The following XRCC1 variants were observed in gnomAD, a reference collection of about 807,000 sequenced individuals.
The protein encoded by XRCC1 is X-ray repair cross complementing 1.
XRCC1 carries 52 observed loss-of-function variants against 83.3 expected under a neutral mutation model. The ratio of observed to expected loss-of-function variants is 0.62; its 90% confidence interval spans 0.50 to 0.79. The LOEUF (loss-of-function observed/expected upper bound fraction) is 0.79, where lower values mean the gene tolerates loss of function less well. Among genes scored for constraint, XRCC1 ranks in the 30% least tolerant of loss-of-function variants. The probability of loss-of-function intolerance (pLI) is 0.00; values close to 1 mark genes in which losing one functional copy is unlikely to be tolerated. For synonymous variants in XRCC1, 281 were observed against 312.6 expected (o/e 0.90, Z 1.07); for missense variants, 793 against 823.5 (o/e 0.96, Z 0.45).
chr19:43,556,042 C>T (rs1972632665), intron 3 of XRCC1, among the ~76,000 whole-genome samples: 1 of 152,112 alleles, frequency 6.6e-6, no homozygotes, highest in South Asian at 2.1e-4. Flanking sequence ...ATGCACGACA[C>T]CACACCTGGC....
At chr19:43,566,185 G>A (rs3213293) in intron 2 of XRCC1, among the ~76,000 whole-genome samples, 4,427 of 150,842 alleles carry the variant, frequency 0.029, 101 homozygotes, top group African/African-American at 0.062. Flanking sequence ...GCAGCGAACC[G>A]AAATCATGCC....
chr19:43,547,809 C>T (rs1972528371), intron 10 of XRCC1, among the ~76,000 whole-genome samples: 1 of 152,160 alleles, frequency 6.6e-6, no homozygotes, highest in Non-Finnish European at 1.5e-5. Context: ...ATTCCCCTCC[C>T]TCTTGGGGAA....
rs146046570 is a variant in XRCC1, at chr19:43,567,680, G to A, written c.145-6660C>T. 4.8e-3 allele frequency among the ~76,000 whole-genome samples: 729 copies of A among 152,178 alleles called. 7 individuals carry two copies. Among genetic ancestry groups the A allele is most frequent in the African/African-American group, 0.016 (666 of 41,534 alleles). On this transcript the variant is annotated intron_variant, in intron 2 of 16. Transcript: ENST00000262887. ...ATTTTTCTCAAAATAAGAGATGAGT[G>A]CTCAGTATGTATCAGCTGTGAGGAT...
intron 2 of XRCC1, among the ~76,000 whole-genome samples, chr19:43,564,563 C>T (rs566106660): frequency 6.6e-6 from 1 of 152,076 alleles, no homozygotes; most frequent in South Asian, 2.1e-4. Context: ...CTGAGGCAGG[C>T]GGATCACCTG....
At position 43,546,619 on chromosome 19, in the gene XRCC1, T is replaced by C. The variant is rs1332292050; in HGVS notation, c.1402A>G (p.Ile468Val). The change falls in exon 12 of 17, where the codon ATA (isoleucine) becomes GTA (valine). Residue 468 changes from isoleucine to valine, a missense_variant. By Grantham distance (29) the Ile-to-Val change is conservative. Coordinates refer to ENST00000262887, the MANE Select transcript of XRCC1 (RefSeq NM_006297.3). ...CCTGACTGTACCCCCTCAATGTCTA[T>C]ATCTTCCTGGAGCACTGGTGAGGCT... is the stretch of plus-strand genomic sequence containing the variant. ...KAASPVLQED[I>V]DIEGVQSEGQ... 4 of 1,611,346 alleles carry C rather than the reference T, an allele frequency of 2.5e-6. No individual in the cohort carries two copies. Among genetic ancestry groups the C allele is most frequent in the Non-Finnish European group, 3.4e-6 (4 of 1,179,284 alleles).
At chr19:43,555,955 T>A (rs576140579) in intron 3 of XRCC1, among the ~76,000 whole-genome samples, 7 of 152,178 alleles carry the variant, frequency 4.6e-5, no homozygotes, top group Non-Finnish European at 8.8e-5. Flanking sequence ...AGTGGTGCGA[T>A]CATAGCTCAC....
At chr19:43,561,101 G>A in intron 2 of XRCC1, 81 bp from the exon 3 acceptor site, 5 of 1,092,666 alleles carry the variant, frequency 4.6e-6, no homozygotes, top group Non-Finnish European at 2.8e-6. Flanking sequence ...AATCTCCTTT[G>A]GATCACCATG....
At position 43,543,466 on chromosome 19, in the gene XRCC1, G is replaced by C. The variant is rs1166652798; in HGVS notation, c.1828C>G (p.Arg610Gly). ...TTCTCATTGCAACTGTAGATCCATC[G>C]GGGACGAACGAATGCCAGGGAGGGG... Reference protein sequence around the residue: ...DNPSLAFVRPRWIYSCNEKQK... With the variant: ...DNPSLAFVRPGWIYSCNEKQK... The change falls in exon 17 of 17, where the codon CGA becomes GGA. Residue 610 changes from arginine (R) to glycine (G), a missense_variant. Coordinates refer to ENST00000262887, the MANE Select transcript of XRCC1 (RefSeq NM_006297.3). 6.2e-6 allele frequency: 10 copies of C among 1,613,528 alleles called. No homozygotes were observed. Among genetic ancestry groups the C allele is most frequent in the Non-Finnish European group, 5.9e-6 (7 of 1,179,948 alleles).
rs1324474599 is a variant in XRCC1 at position 43,546,981 on chromosome 19, G to A, written c.1200-4C>T. 6.2e-7 allele frequency: 1 copy of A among 1,613,572 alleles called. No homozygotes were observed. Among genetic ancestry groups the A allele is most frequent in the East Asian group, 2.2e-5 (1 of 44,862 alleles). ...ACCTGGCCCTGCCATGAGGTACCTA[G>A]GGGACAAATCGGGCCTCAGACAAAC... On this transcript the variant is annotated splice_polypyrimidine_tract_variant and splice_region_variant and intron_variant, in intron 10 of 16. Coordinates refer to ENST00000262887, the MANE Select transcript of XRCC1 (RefSeq NM_006297.3).
At chr19:43,553,946 T>C (rs762507) in intron 4 of XRCC1, among the ~76,000 whole-genome samples, 95,352 of 152,052 alleles carry the variant, frequency 0.63, 30,336 homozygotes, top group East Asian at 0.89. Context: ...CCCAGCGAAT[T>C]CACTGCCCTA....
intron 6 of XRCC1, 117 bp downstream of exon 6, chr19:43,553,284 A>G (rs1972601041): frequency 8.0e-7 from 1 of 1,252,994 alleles, no homozygotes; most frequent in South Asian, 1.3e-5. Context: ...GGAGTCCAGG[A>G]CTCCACTACC....
intron 15 of XRCC1, among the ~76,000 whole-genome samples, 172 bp downstream of exon 15, chr19:43,543,972 G>A (rs928189625): frequency 6.6e-6 from 1 of 152,066 alleles, no homozygotes; most frequent in Non-Finnish European, 1.5e-5. Context: ...CTGGGCTGCC[G>A]GTGGTGGGCA....
rs753921273 is a variant in XRCC1, at chr19:43,546,085, T to C, written c.1448A>G (p.Glu483Gly). Residue 483 changes from glutamate (E) to glycine (G), a missense_variant, in exon 13 of 17, where the codon GAA (glutamate) becomes GGA (glycine). Physicochemically the swap from Glu to Gly is moderately conservative, Grantham distance 98 (BLOSUM62 -2). Coordinates refer to ENST00000262887, the MANE Select transcript of XRCC1 (RefSeq NM_006297.3). ...VQSEGQDNGA[E>G]DSGDTEDELR... ...CTCATCCTCTGTGTCCCCAGAATCT[T>C]CCGCCCCATTGTCCTGTCCTTCTGC... is the stretch of plus-strand genomic sequence containing the variant. 2 of 1,612,092 alleles carry C rather than the reference T, an allele frequency of 1.2e-6. No homozygotes were observed. Among genetic ancestry groups the C allele is most frequent in the Non-Finnish European group, 1.7e-6 (2 of 1,179,502 alleles).
Position 43,547,030 on chromosome 19 carries a change from C to T in XRCC1, c.1200-53G>A, listed in dbSNP as rs1292154501. On this transcript the variant is annotated intron_variant, in intron 10 of 16. Transcript: ENST00000262887. The stretch of plus-strand genomic sequence containing the variant: ...ACAGGCCCAAGGGAAGTGGGGAGGG[C>T]GTTCAGGAGGCAACAGCCATTGGCA... 3.8e-6 allele frequency: 6 copies of T among 1,558,754 alleles called. No homozygotes were observed. The African/African-American group carries it at 5.4e-5, about 14-fold the overall frequency.
chr19:43,553,067 G>A lies in XRCC1; in HGVS notation c.626C>T (p.Pro209Leu), dbSNP rs1972598455. ...CTGGAGGGTAGCAGCTGCATAGCTA[G>A]GTCCTGCTGGGTCGCTGGCTGTGAC... Reference protein sequence around the residue: ...SPVTASDPAGPSYAAATLQAS... With the variant: ...SPVTASDPAGLSYAAATLQAS... Residue 209 changes from proline (P) to leucine (L), a missense_variant, in exon 7 of 17, where the codon CCT (proline) becomes CTT (leucine). Coordinates refer to ENST00000262887, the MANE Select transcript of XRCC1 (RefSeq NM_006297.3). The A allele has an allele frequency of 1.3e-6, 2 of 1,582,404 alleles. No individual in the cohort carries two copies. Among genetic ancestry groups the A allele is most frequent in the African/African-American group, 1.3e-5 (1 of 74,440 alleles).
chr19:43,558,979 A>T lies in XRCC1; in HGVS notation c.255+1931T>A, dbSNP rs992093636. ...TAGTGAAACCCCATTTCTACAAAAA[A>T]TTTTTTAAAAAATTAGCCGGGTATG... On this transcript the variant is annotated intron_variant, in intron 3 of 16. Transcript: ENST00000262887. Among the ~76,000 whole-genome samples the T allele has an allele frequency of 1.3e-4, 20 of 152,034 alleles. No individual in the cohort carries two copies. The East Asian group carries it at 3.1e-3, about 24-fold the overall frequency.
intron 8 of XRCC1, 30 bp from the exon 9 acceptor site, chr19:43,552,305 G>A (rs778325683): frequency 1.3e-6 from 2 of 1,510,412 alleles, no homozygotes; most frequent in Non-Finnish European, 1.8e-6. Context: ...GATTAGGTTA[G>A]CACCACTGGG....
Position 43,550,776 on chromosome 19 carries a change from G to C in XRCC1, c.1199+795C>G, listed in dbSNP as rs548076299. 2.0e-5 allele frequency among the ~76,000 whole-genome samples: 3 copies of C among 152,276 alleles called. No homozygotes were observed. The South Asian group carries it at 6.2e-4, about 32-fold the overall frequency. On this transcript the variant is annotated intron_variant, in intron 10 of 16. Transcript: ENST00000262887. ...TCTGCCCAGCATGTTCTCTGCCTCT[G>C]TTCAGCCTGAAAAACCTCTCTTGGA...
rs745550592 is a variant in XRCC1, at chr19:43,554,743, T to C, written c.317A>G (p.Asn106Ser). 1.7e-5 allele frequency: 27 copies of C among 1,613,702 alleles called. No individual in the cohort carries two copies. The highest frequency in any genetic ancestry group is 2.2e-5 in the Non-Finnish European group (26 of 1,179,818). Reference sequence around the variant, plus strand: ...GTCAGGCCCAAACATGCGAACGCGGTTGGGGTTTGAGCCACTGCGGCTCTC... The same window carrying C: ...GTCAGGCCCAAACATGCGAACGCGGCTGGGGTTTGAGCCACTGCGGCTCTC... ...PSESRSGSNP[N>S]RVRMFGPDKL... Residue 106 changes from asparagine to serine, a missense_variant, in exon 4 of 17, where the codon AAC (asparagine) becomes AGC (serine). Physicochemically the swap from Asn to Ser is conservative, Grantham distance 46. Transcript: ENST00000262887.
Sources: allele counts gnomAD v4.1 joint callset (sites outside exome capture counted in the v4.1 genomes callset), GRCh38; gene constraint gnomAD v4.1.1; transcripts MANE v1.5; gene names NCBI Gene and HGNC (gene_info 2026-07-23, HGNC 2026-07-21).